The following ZBTB7C variants were observed in gnomAD, a reference collection of about 807,000 sequenced individuals.
ZBTB7C encodes the protein zinc finger and BTB domain-containing protein 7C.
ZBTB7C carries 8 observed loss-of-function variants against 25.7 expected under a neutral mutation model. The observed-to-expected ratio is 0.31, with a 90% CI of 0.18 to 0.56. The LOEUF (loss-of-function observed/expected upper bound fraction) is 0.56, where lower values mean the gene tolerates loss of function less well. ZBTB7C is among the 20% of genes least tolerant of loss of function. The pLI is 0.91. For synonymous variants in ZBTB7C, 394 were observed against 369.0 expected (o/e 1.07, Z -0.78); for missense variants, 824 against 855.2 (o/e 0.96, Z 0.46).
At chr18:48,266,868 T>C (rs749819778) in intron 2 of ZBTB7C, among the ~76,000 whole-genome samples, 85 of 152,310 alleles carry the variant, frequency 5.6e-4, no homozygotes, top group Non-Finnish European at 6.5e-4. Flanking sequence ...ATGAGTATCA[T>C]TTCAGGCTAG....
At chr18:48,143,023 T>C (rs2144843260) in intron 3 of ZBTB7C, among the ~76,000 whole-genome samples, 1 of 152,252 alleles carries the variant, frequency 6.6e-6, no homozygotes, top group South Asian at 2.1e-4. Flanking sequence ...AGGGGAAAGA[T>C]AATAAACAGA....
At chr18:48,228,946 G>T (rs1402251240) in intron 2 of ZBTB7C, among the ~76,000 whole-genome samples, 1 of 152,006 alleles carries the variant, frequency 6.6e-6, no homozygotes, top group Non-Finnish European at 1.5e-5. Context: ...GACTCCAGCT[G>T]GCTCTCCAGT....
intron 1 of ZBTB7C, among the ~76,000 whole-genome samples, chr18:48,349,180 C>T (rs2046808138): frequency 6.6e-6 from 1 of 152,180 alleles, no homozygotes; most frequent in East Asian, 1.9e-4. Context: ...AAGGTCACAG[C>T]ATCCTGGCCA....
chr18:48,406,316 C>A lies in ZBTB7C; in HGVS notation c.-304+2910G>T, dbSNP rs114427392. ...ACTCCTTCATACCCCCTTCACACCG[C>A]CCCTGCTGGAGAGGGGTGAGAGGCC... On this transcript the variant is annotated intron_variant, in intron 1 of 4. Transcript: ENST00000590800. Among the ~76,000 whole-genome samples, 982 of 152,260 alleles carry A rather than the reference C, an allele frequency of 6.4e-3. 14 individuals carry two copies. Among genetic ancestry groups the A allele is most frequent in the African/African-American group, 0.02 (830 of 41,536 alleles).
In ZBTB7C at chr18:48,040,970, C is replaced by A. The variant is rs377072613; in HGVS notation, c.138G>T (p.Arg46=). The A allele has an allele frequency of 6.8e-6, 11 of 1,614,032 alleles. No individual in the cohort carries two copies. The African/African-American group carries it at 1.2e-4, about 18-fold the overall frequency. The part of the protein sequence containing the change: ...VLLVVQEQEY[R]THRSVLAACS... The stretch of plus-strand genomic sequence containing the variant: ...AGGCAGCCAGGACGGAGCGGTGGGT[C>A]CGATACTCCTGCTCCTGCACCACCA... Residue 46 remains arginine (R), a synonymous_variant, in exon 4 of 5, where the codon CGG becomes CGT. Transcript: ENST00000590800.
intron 2 of ZBTB7C, among the ~76,000 whole-genome samples, chr18:48,331,543 G>T (rs796153805): frequency 2.6e-5 from 4 of 152,190 alleles, no homozygotes; most frequent in African/African-American, 9.6e-5. Flanking sequence ...AAATAATTTT[G>T]GGGCACACTG....
chr18:48,298,006 C>T (rs956645743), intron 2 of ZBTB7C, among the ~76,000 whole-genome samples: 3 of 152,108 alleles, frequency 2.0e-5, no homozygotes, highest in East Asian at 1.9e-4. Flanking sequence ...TGAGGCCGGG[C>T]GCAGTGGCTC....
chr18:48,184,475 T>G (rs2042005001), intron 3 of ZBTB7C, among the ~76,000 whole-genome samples: 1 of 152,216 alleles, frequency 6.6e-6, no homozygotes, highest in Non-Finnish European at 1.5e-5. Flanking sequence ...GAATACTGGA[T>G]AGAGCCTTTG....
chr18:48,354,893 C>T (rs1375084889), intron 1 of ZBTB7C, among the ~76,000 whole-genome samples: 1 of 152,198 alleles, frequency 6.6e-6, no homozygotes, highest in Non-Finnish European at 1.5e-5. Context: ...CCCCTCAGCT[C>T]CAGGCCTCCT....
At chr18:48,123,675 A>G (rs532727387) in intron 3 of ZBTB7C, among the ~76,000 whole-genome samples, 3 of 152,328 alleles carry the variant, frequency 2.0e-5, no homozygotes, top group East Asian at 1.9e-4. Flanking sequence ...CCTTTCAAAC[A>G]GGGAAAACAA....
intron 2 of ZBTB7C, among the ~76,000 whole-genome samples, chr18:48,283,745 A>G (rs2044943395): frequency 6.6e-6 from 1 of 152,224 alleles, no homozygotes; most frequent in Non-Finnish European, 1.5e-5. Flanking sequence ...AAATAAGTAT[A>G]AGAGTTCTCC....
chr18:48,341,156 T>C (rs1446960668), intron 1 of ZBTB7C, among the ~76,000 whole-genome samples: 1 of 152,234 alleles, frequency 6.6e-6, no homozygotes, highest in Non-Finnish European at 1.5e-5. Flanking sequence ...CCTCCATCCA[T>C]CCATTCTGTG....
At chr18:48,387,272 T>C (rs1056706651) in intron 1 of ZBTB7C, among the ~76,000 whole-genome samples, 1 of 152,068 alleles carries the variant, frequency 6.6e-6, no homozygotes, top group Non-Finnish European at 1.5e-5. Flanking sequence ...GGTTTTTTGG[T>C]AGAAAGGTAA....
chr18:48,213,085 AGC>A (rs2042740627), intron 2 of ZBTB7C, among the ~76,000 whole-genome samples: 1 of 151,660 alleles, frequency 6.6e-6, no homozygotes, highest in South Asian at 2.1e-4. Flanking sequence ...TCCTGGTTTC[AGC>A]GGGGGCAGTT....
At chr18:48,172,535 G>A (rs117365200) in intron 3 of ZBTB7C, among the ~76,000 whole-genome samples, 4,710 of 152,316 alleles carry the variant, frequency 0.031, 75 homozygotes, top group Middle Eastern at 0.075. Flanking sequence ...GGGAGCTGGG[G>A]GAGAGGGAGA....
At chr18:48,410,434 C>T (rs1271624619), upstream of ZBTB7C, among the ~76,000 whole-genome samples, 1 of 152,178 alleles carries the variant, frequency 6.6e-6, no homozygotes, top group Non-Finnish European at 1.5e-5. Context: ...ACGGGCGGGC[C>T]CGGGGAGGGC....
chr18:48,117,942 G>A (rs1198088369), intron 3 of ZBTB7C, among the ~76,000 whole-genome samples: 1 of 151,548 alleles, frequency 6.6e-6, no homozygotes, highest in Non-Finnish European at 1.5e-5. Flanking sequence ...AGGCATCTTG[G>A]AGCTTTTAAC....
intron 3 of ZBTB7C, among the ~76,000 whole-genome samples, chr18:48,146,264 T>C (rs1045030956): frequency 6.6e-6 from 1 of 152,222 alleles, no homozygotes; most frequent in African/African-American, 2.4e-5. Context: ...TTATGTTTTA[T>C]AATATCTGAC....
intron 2 of ZBTB7C, among the ~76,000 whole-genome samples, chr18:48,304,570 G>C (rs1902357823): frequency 6.6e-6 from 1 of 152,218 alleles, no homozygotes; most frequent in Admixed American, 6.5e-5. Flanking sequence ...AGCTACTCAG[G>C]AGGCTGAGGC....
Sources: allele counts gnomAD v4.1 joint callset (sites outside exome capture counted in the v4.1 genomes callset), GRCh38; gene constraint gnomAD v4.1.1; transcripts MANE v1.5; gene names NCBI Gene and HGNC (gene_info 2026-07-23, HGNC 2026-07-21).